ADAMTS17: variants seen among roughly 807,000 people sequenced by gnomAD.
ADAMTS17 encodes the protein A disintegrin and metalloproteinase with thrombospondin motifs 17.
ADAMTS17 carries 113 observed loss-of-function variants against 141.5 expected under a neutral mutation model. That is an observed-to-expected ratio of 0.80 (90% CI 0.69 to 0.93). The LOEUF is 0.93. Among genes scored for constraint, ADAMTS17 ranks in the 40% least tolerant of loss-of-function variants. The probability of loss-of-function intolerance (pLI) is 0.00; values close to 1 mark genes in which losing one functional copy is unlikely to be tolerated. For missense variants in ADAMTS17, 1,659 were observed against 1,517.9 expected (o/e 1.09, Z -1.54); for synonymous variants, 768 against 630.6 (o/e 1.22, Z -3.27).
intron 7 of ADAMTS17, among the ~76,000 whole-genome samples, chr15:100,221,785 C>T (rs1432628939): frequency 6.6e-6 from 1 of 152,164 alleles, no homozygotes; most frequent in Non-Finnish European, 1.5e-5. Context: ...ATCCAGAATT[C>T]CATTTACTTC....
intron 18 of ADAMTS17, among the ~76,000 whole-genome samples, chr15:100,001,352 CCTTTT>C (rs200051520): frequency 0.019 from 2,088 of 111,918 alleles, 55 homozygotes; most frequent in African/African-American, 0.056. Context: ...GGTCTCTTTT[CCTTTT>C]TTTTTTTTTT....
rs1379212339 is a variant in ADAMTS17, at chr15:100,261,462, G to A, written c.1031+17C>T. The A allele has an allele frequency of 6.2e-7, 1 of 1,613,680 alleles. No individual in the cohort carries two copies. Among genetic ancestry groups the A allele is most frequent in the African/African-American group, 1.3e-5 (1 of 75,022 alleles). The stretch of plus-strand genomic sequence containing the variant: ...TTTCCCTCTCACATGTCAGCTACAG[G>A]CCAAATCCCATCTTACCTGGTCACA... On this transcript the variant is annotated intron_variant, in intron 6 of 21. Coordinates refer to ENST00000268070, the MANE Select transcript of ADAMTS17 (RefSeq NM_139057.4).
intron 12 of ADAMTS17, among the ~76,000 whole-genome samples, chr15:100,122,346 C>A (rs1202644391): frequency 1.3e-5 from 2 of 152,174 alleles, no homozygotes; most frequent in East Asian, 1.9e-4. Context: ...TTTTGAACGA[C>A]ATGAGAAAGG....
rs571407410 is a variant in ADAMTS17 at position 100,001,984 on chromosome 15, AGGCCAAACCC to A, written c.2592-4405_2592-4396del. Reference sequence around the variant, plus strand: ...AGAGCGAGACTCAGTCTCAAAAAAAAGGCCAAACCCAAAAAAAAAAAAAAAAAAAAAAGAA... The same window carrying A: ...AGAGCGAGACTCAGTCTCAAAAAAAAAAAAAAAAAAAAAAAAAAAAAAGAA... On this transcript the variant is annotated intron_variant, in intron 18 of 21. Coordinates refer to ENST00000268070, the MANE Select transcript of ADAMTS17 (RefSeq NM_139057.4). 8.9e-3 allele frequency among the ~76,000 whole-genome samples: 734 copies of A among 82,732 alleles called. 8 individuals carry two copies. The highest frequency in any genetic ancestry group is 0.012 in the Non-Finnish European group (430 of 35,432). The allele number at this position is 82,732 out of a possible 152,430, so 54.3% of individuals were successfully genotyped here. A position where few individuals can be genotyped will look rare whatever the true frequency, so the allele number is the denominator to read the frequency against.
intron 9 of ADAMTS17, among the ~76,000 whole-genome samples, chr15:100,153,674 G>T (rs73475403): frequency 2.0e-5 from 3 of 152,024 alleles, no homozygotes; most frequent in Non-Finnish European, 4.4e-5. Flanking sequence ...GTGAACTGGG[G>T]ATTGCGAGGC....
intron 15 of ADAMTS17, among the ~76,000 whole-genome samples, chr15:100,091,213 C>T (rs2035449423): frequency 6.6e-6 from 1 of 151,560 alleles, no homozygotes; most frequent in Non-Finnish European, 1.5e-5. Flanking sequence ...CCCAAAGCAC[C>T]CTGGCGTCTC....
At chr15:100,137,100 A>C (rs1168873106) in intron 10 of ADAMTS17, among the ~76,000 whole-genome samples, 1 of 152,252 alleles carries the variant, frequency 6.6e-6, no homozygotes, top group Non-Finnish European at 1.5e-5. Flanking sequence ...TTTCTGGAGA[A>C]GTTACCACAG....
At chr15:100,215,779 C>T (rs994074072) in intron 7 of ADAMTS17, among the ~76,000 whole-genome samples, 1 of 152,032 alleles carries the variant, frequency 6.6e-6, no homozygotes, top group African/African-American at 2.4e-5. Flanking sequence ...TTCTCCCGCT[C>T]GAAGACACAA....
intron 7 of ADAMTS17, among the ~76,000 whole-genome samples, chr15:100,206,125 C>G (rs971601329): frequency 3.9e-5 from 6 of 152,216 alleles, no homozygotes; most frequent in African/African-American, 1.4e-4. Context: ...CGGGCGGCAC[C>G]GTGAATGCAG....
intron 15 of ADAMTS17, among the ~76,000 whole-genome samples, chr15:100,087,808 T>C (rs1299509713): frequency 6.6e-6 from 1 of 152,206 alleles, no homozygotes; most frequent in Non-Finnish European, 1.5e-5. Flanking sequence ...CTAAAAACTC[T>C]CAATAAATTA....
At chr15:100,275,152 G>T (rs1204716550) in intron 4 of ADAMTS17, among the ~76,000 whole-genome samples, 1 of 152,194 alleles carries the variant, frequency 6.6e-6, no homozygotes, top group Non-Finnish European at 1.5e-5. Context: ...AAAGGCAGAG[G>T]AACTCGTTCC....
intron 8 of ADAMTS17, among the ~76,000 whole-genome samples, chr15:100,165,031 C>T (rs778768275): frequency 1.5e-4 from 23 of 152,302 alleles, no homozygotes; most frequent in Middle Eastern, 3.4e-3. Flanking sequence ...GGTTTGAATG[C>T]GGCAGGTCAC....
At chr15:100,309,681 C>T (rs2045341228) in intron 3 of ADAMTS17, among the ~76,000 whole-genome samples, 1 of 152,198 alleles carries the variant, frequency 6.6e-6, no homozygotes, top group African/African-American at 2.4e-5. Context: ...CCACGTGAAG[C>T]CCAGCAGTTT....
intron 12 of ADAMTS17, among the ~76,000 whole-genome samples, chr15:100,120,184 C>A (rs1410309934): frequency 6.6e-6 from 1 of 152,202 alleles, no homozygotes; most frequent in Non-Finnish European, 1.5e-5. Flanking sequence ...AGACAATAAT[C>A]ACACTGGCAA....
intron 8 of ADAMTS17, among the ~76,000 whole-genome samples, chr15:100,171,884 T>G (rs1033013541): frequency 2.0e-5 from 3 of 152,222 alleles, no homozygotes; most frequent in Non-Finnish European, 2.9e-5. Context: ...CGTGGAACTA[T>G]GGCCTCTCTG....
chr15:100,310,685 G>A (rs182797154), intron 3 of ADAMTS17, among the ~76,000 whole-genome samples: 10 of 152,326 alleles, frequency 6.6e-5, no homozygotes, highest in Admixed American at 5.9e-4. Flanking sequence ...CACCAGTGAC[G>A]CCTGACGTTT....
At chr15:100,321,471 T>C (rs761633463) in intron 3 of ADAMTS17, among the ~76,000 whole-genome samples, 7 of 152,194 alleles carry the variant, frequency 4.6e-5, no homozygotes, top group Non-Finnish European at 1.0e-4. Flanking sequence ...ACGTACATCA[T>C]CATGACAGAG....
At chr15:100,145,242 C>T (rs985857963) in intron 10 of ADAMTS17, among the ~76,000 whole-genome samples, 57 of 152,184 alleles carry the variant, frequency 3.7e-4, no homozygotes, top group African/African-American at 1.3e-3. Flanking sequence ...TTCTTAGCAA[C>T]GGTCTTTGGG....
intron 4 of ADAMTS17, among the ~76,000 whole-genome samples, chr15:100,269,458 T>G (rs1189428426): frequency 6.6e-6 from 1 of 152,224 alleles, no homozygotes. Flanking sequence ...CTTTAATTTT[T>G]ACTTTTTTAG....
Sources: allele counts gnomAD v4.1 joint callset (sites outside exome capture counted in the v4.1 genomes callset), GRCh38; gene constraint gnomAD v4.1.1; transcripts MANE v1.5; gene names NCBI Gene and HGNC (gene_info 2026-07-23, HGNC 2026-07-21).